Variants in LAMA3 observed in about 807,000 individuals in gnomAD.
LAMA3 encodes the protein laminin subunit alpha 3, also known as laminin subunit alpha-3.
A neutral mutation model predicts 402.0 loss-of-function variants in LAMA3; 281 were observed. The ratio of observed to expected loss-of-function variants is 0.70; its 90% CI spans 0.63 to 0.77. LAMA3 has a LOEUF of 0.77. Ranked by LOEUF, LAMA3 falls within the 30% of genes least tolerant of loss-of-function variation. The pLI, the probability that LAMA3 is intolerant of heterozygous loss-of-function variation, is 0.00. For synonymous variants in LAMA3, 1,431 were observed against 1,558.4 expected (o/e 0.92, Z 1.93); for missense variants, 3,840 against 4,215.5 (o/e 0.91, Z 2.47).
At chr18:23,717,542 CTTTTTTTTTTTT>C (rs138974380) in intron 2 of LAMA3, among the ~76,000 whole-genome samples, 1 of 64,856 alleles carries the variant, frequency 1.5e-5, no homozygotes, top group Admixed American at 2.1e-4. Flanking sequence ...TGGACTTGAT[CTTTTTTTTTTTT>C]TTTTTTTTTT....
chr18:23,761,167 C>T (rs746861593), intron 7 of LAMA3, among the ~76,000 whole-genome samples: 20 of 152,322 alleles, frequency 1.3e-4, no homozygotes, highest in South Asian at 1.0e-3. Context: ...TTTTCCCAAT[C>T]ATTAAAAATG....
In LAMA3 at chr18:23,843,549, G is replaced by A. The variant is rs906516040; in HGVS notation, c.3603+799G>A. On this transcript the variant is annotated intron_variant, in intron 29 of 74. Coordinates refer to ENST00000313654, the MANE Select transcript of LAMA3 (RefSeq NM_198129.4). Reference sequence around the variant, plus strand: ...ACCATCCTTCCTCTCACTTGGGCAGGGCCAGCCTCCTGGCAGCACTCCCTT... The same window carrying A: ...ACCATCCTTCCTCTCACTTGGGCAGAGCCAGCCTCCTGGCAGCACTCCCTT... 2.0e-5 allele frequency among the ~76,000 whole-genome samples: 3 copies of A among 152,012 alleles called. No homozygotes were observed. In the South Asian group the frequency reaches 6.2e-4, roughly 32 times the overall value.
chr18:23,824,642 C>T, intron 21 of LAMA3, 77 bp downstream of exon 21: 1 of 1,455,812 alleles, frequency 6.9e-7, no homozygotes, highest in Non-Finnish European at 9.6e-7. Flanking sequence ...AGACTACAAT[C>T]CACAGCGACC....
intron 1 of LAMA3, among the ~76,000 whole-genome samples, chr18:23,699,290 T>G (rs1380839311): frequency 6.6e-6 from 1 of 152,246 alleles, no homozygotes; most frequent in East Asian, 1.9e-4. Flanking sequence ...TTCTAGAATT[T>G]ATACATATTT....
chr18:23,795,318 G>A (rs1310151518), intron 12 of LAMA3, among the ~76,000 whole-genome samples: 11 of 152,156 alleles, frequency 7.2e-5, no homozygotes, highest in African/African-American at 2.7e-4. Flanking sequence ...GCAGCCTGGG[G>A]CCACTGAATG....
chr18:23,899,633 C>T (rs996771018), intron 47 of LAMA3, 178 bp downstream of exon 47: 34 of 643,398 alleles, frequency 5.3e-5, no homozygotes, highest in Admixed American at 4.7e-4. Context: ...AGGTTACCAA[C>T]GGGCTGTAGA....
intron 2 of LAMA3, among the ~76,000 whole-genome samples, chr18:23,729,958 C>G (rs2061363240): frequency 6.6e-6 from 1 of 152,222 alleles, no homozygotes; most frequent in Non-Finnish European, 1.5e-5. Flanking sequence ...ATTGCTGTCC[C>G]TCTCGCAGGA....
At chr18:23,844,889 G>C (rs2063778981) in intron 29 of LAMA3, 120 bp from the exon 30 acceptor site, 3 of 710,912 alleles carry the variant, frequency 4.2e-6, no homozygotes, top group Non-Finnish European at 7.8e-6. Context: ...AAAAGTTTCA[G>C]ATTTTGAAGC....
chr18:23,824,084 A>C (rs1175294045), intron 20 of LAMA3, among the ~76,000 whole-genome samples: 1 of 152,170 alleles, frequency 6.6e-6, no homozygotes, highest in Non-Finnish European at 1.5e-5. Flanking sequence ...AAAGGAAAAA[A>C]TAATTTAGTA....
At position 23,806,241 on chromosome 18, in the gene LAMA3, T is replaced by C. The variant is rs148598002; in HGVS notation, c.1604-4125T>C. ...CCCCATTGCACTTAGGTTTTCCAAC[T>C]TGATGGCAGCAGTTTCCACATCCTT... On this transcript the variant is annotated intron_variant, in intron 12 of 74. Transcript: ENST00000313654. Among the ~76,000 whole-genome samples the C allele has an allele frequency of 2.0e-3, 306 of 152,356 alleles. 1 individual carries two copies. The highest frequency in any genetic ancestry group is 7.1e-3 in the African/African-American group (297 of 41,588).
intron 33 of LAMA3, among the ~76,000 whole-genome samples, chr18:23,858,449 T>C (rs1202653074): frequency 6.6e-6 from 1 of 152,154 alleles, no homozygotes; most frequent in African/African-American, 2.4e-5. Flanking sequence ...TTTCTCTACT[T>C]GCAAGATGCC....
chr18:23,895,139 G>T, intron 44 of LAMA3, 81 bp downstream of exon 44: 1 of 1,479,376 alleles, frequency 6.8e-7, no homozygotes, highest in Non-Finnish European at 9.2e-7. Context: ...GAAGGGAAAG[G>T]TTGACTCCTG....
At chr18:23,836,444 G>A (rs2063583171) in intron 24 of LAMA3, among the ~76,000 whole-genome samples, 1 of 152,148 alleles carries the variant, frequency 6.6e-6, no homozygotes, top group East Asian at 1.9e-4. Flanking sequence ...GCTTTTAAAT[G>A]CCCCTGAACT....
At chr18:23,720,782 C>CCA (rs2061196764) in intron 2 of LAMA3, among the ~76,000 whole-genome samples, 1 of 152,280 alleles carries the variant, frequency 6.6e-6, no homozygotes, top group South Asian at 2.1e-4. Flanking sequence ...CCTTTAGTAA[C>CCA]TTCAAAGTGT....
chr18:23,837,538 C>A (rs2063607775), intron 25 of LAMA3, among the ~76,000 whole-genome samples: 1 of 121,542 alleles, frequency 8.2e-6, no homozygotes, highest in African/African-American at 3.1e-5. Context: ...AACTAAAAAA[C>A]TATTTCAAAA....
At chr18:23,731,349 C>T (rs574214047) in intron 2 of LAMA3, among the ~76,000 whole-genome samples, 1 of 152,180 alleles carries the variant, frequency 6.6e-6, no homozygotes, top group East Asian at 1.9e-4. Context: ...TTTAAAACAC[C>T]CCTCCCACCC....
At chr18:23,822,897 A>C (rs1489264907) in intron 20 of LAMA3, among the ~76,000 whole-genome samples, 1 of 152,190 alleles carries the variant, frequency 6.6e-6, no homozygotes, top group African/African-American at 2.4e-5. Flanking sequence ...GGGCAGAGGG[A>C]CAAGAGAAGA....
At chr18:23,916,049 A>AAAAG (rs143548754) in intron 59 of LAMA3, among the ~76,000 whole-genome samples, 415 of 18,798 alleles carry the variant, frequency 0.022, no homozygotes, top group Non-Finnish European at 0.065. Context: ...AAAGAAAAAG[A>AAAAG]AAAAGAAAAG....
At chr18:23,923,891 A>G (rs1218478680) in intron 62 of LAMA3, among the ~76,000 whole-genome samples, 1 of 152,220 alleles carries the variant, frequency 6.6e-6, no homozygotes, top group Non-Finnish European at 1.5e-5. Flanking sequence ...ACCACAAAAG[A>G]GGTGGCTTTA....
Sources: allele counts gnomAD v4.1 joint callset (sites outside exome capture counted in the v4.1 genomes callset), GRCh38; gene constraint gnomAD v4.1.1; transcripts MANE v1.5; gene names NCBI Gene and HGNC (gene_info 2026-07-23, HGNC 2026-07-21).